The following ZNF804A variants were observed in gnomAD, a reference collection of about 807,000 sequenced individuals.
ZNF804A encodes zinc finger protein 804A.
In ZNF804A, 2 loss-of-function variants were observed where a neutral mutation model predicts 16.5. The observed-to-expected ratio is 0.12, with a 90% CI of 0.05 to 0.38. ZNF804A has a LOEUF of 0.38. Ranked by LOEUF, ZNF804A falls within the 10% of genes least tolerant of loss-of-function variation. ZNF804A has a pLI of 0.99. For missense variants in ZNF804A, 1,473 were observed against 1,390.7 expected, an observed-to-expected ratio of 1.06 and a Z score of -0.94; for synonymous variants, 534 against 489.6, an observed-to-expected ratio of 1.09 and a Z score of -1.20.
chr2:184,834,163 G>C (rs2105797027), intron 1 of ZNF804A, among the ~76,000 whole-genome samples: 1 of 151,940 alleles, frequency 6.6e-6, no homozygotes, highest in Non-Finnish European at 1.5e-5. Flanking sequence ...TTATTTACAT[G>C]CTTAAATCAA....
intron 1 of ZNF804A, among the ~76,000 whole-genome samples, chr2:184,623,579 ATG>A (rs1691450086): frequency 6.6e-6 from 1 of 152,122 alleles, no homozygotes; most frequent in Non-Finnish European, 1.5e-5. Context: ...CAAATTAATG[ATG>A]TTCAAAGCCA....
At chr2:184,769,560 A>G (rs1167683584) in intron 1 of ZNF804A, among the ~76,000 whole-genome samples, 1 of 152,066 alleles carries the variant, frequency 6.6e-6, no homozygotes, top group Non-Finnish European at 1.5e-5. Flanking sequence ...AGGCGAAGAA[A>G]TGGAAGGTCT....
At chr2:184,741,584 G>A (rs1693709966) in intron 1 of ZNF804A, among the ~76,000 whole-genome samples, 1 of 152,120 alleles carries the variant, frequency 6.6e-6, no homozygotes, top group Non-Finnish European at 1.5e-5. Flanking sequence ...TTATCAGGCA[G>A]GGCATTCAGA....
intron 2 of ZNF804A, among the ~76,000 whole-genome samples, chr2:184,870,112 C>A (rs1181402062): frequency 6.6e-6 from 1 of 151,876 alleles, no homozygotes; most frequent in African/African-American, 2.4e-5. Context: ...AAGTGTCTTG[C>A]ACAATTTAGA....
intron 1 of ZNF804A, among the ~76,000 whole-genome samples, chr2:184,781,213 C>A (rs1162438399): frequency 6.6e-6 from 1 of 151,676 alleles, no homozygotes; most frequent in Admixed American, 6.6e-5. Flanking sequence ...TGATTGTGCA[C>A]AAATTTATCT....
chr2:184,772,356 C>G (rs1040918736), intron 1 of ZNF804A, among the ~76,000 whole-genome samples: 1 of 150,966 alleles, frequency 6.6e-6, no homozygotes, highest in Non-Finnish European at 1.5e-5. Flanking sequence ...TATAGGTTGC[C>G]TATTCTGAAA....
In ZNF804A at chr2:184,887,941, G is replaced by A. The variant is rs561557147; in HGVS notation, c.255+21429G>A. Among the ~76,000 whole-genome samples the A allele has an allele frequency of 1.1e-4, 17 of 152,246 alleles. No homozygotes were observed. The East Asian group carries it at 2.1e-3, about 19-fold the overall frequency. On this transcript the variant is annotated intron_variant, in intron 2 of 3. Coordinates refer to ENST00000302277, the MANE Select transcript of ZNF804A (RefSeq NM_194250.2). ...AACATTGAGTATATATGGACACAAA[G>A]AGGGAAAAAACAGACACCAGGGCCT...
At chr2:184,653,052 T>C (rs541138203) in intron 1 of ZNF804A, among the ~76,000 whole-genome samples, 3 of 152,240 alleles carry the variant, frequency 2.0e-5, no homozygotes, top group African/African-American at 7.2e-5. Context: ...ACCTCTTTCC[T>C]TTATAAATTA....
intron 1 of ZNF804A, among the ~76,000 whole-genome samples, chr2:184,710,374 T>C (rs1693106631): frequency 6.6e-6 from 1 of 151,678 alleles, no homozygotes; most frequent in Admixed American, 6.6e-5. Context: ...TTGAATTGTT[T>C]GCTTCTTTTA....
chr2:184,664,380 TCTA>T (rs1574152717), intron 1 of ZNF804A, among the ~76,000 whole-genome samples: 1 of 152,292 alleles, frequency 6.6e-6, no homozygotes, highest in East Asian at 1.9e-4. Context: ...GGCTTAATAA[TCTA>T]CACAAGTAAA....
chr2:184,716,819 G>T (rs920503951), intron 1 of ZNF804A, among the ~76,000 whole-genome samples: 24 of 152,182 alleles, frequency 1.6e-4, no homozygotes, highest in African/African-American at 5.8e-4. Context: ...TTGTGAACAT[G>T]AATGTAAAAA....
At position 184,937,126 on chromosome 2, in the gene ZNF804A, A is replaced by G. The variant is rs754141332; in HGVS notation, c.1730A>G (p.Tyr577Cys). The G allele has an allele frequency of 1.9e-6, 3 of 1,603,768 alleles. No individual in the cohort carries two copies. Among genetic ancestry groups the G allele is most frequent in the Non-Finnish European group, 8.5e-7 (1 of 1,177,506 alleles). Residue 577 changes from tyrosine to cysteine, a missense_variant, in exon 4 of 4, where the codon TAC becomes TGC. Tyr to Cys is a radical substitution (Grantham distance 194). Coordinates refer to ENST00000302277, the MANE Select transcript of ZNF804A (RefSeq NM_194250.2). ...AAACAGGACACTCTAGATGAAAAAT[A>G]CAACAAAATAAGGTTGAAAGAGACC... ...QIKQDTLDEKYNKIRLKETHE... is the reference protein window; with the variant it reads ...QIKQDTLDEKCNKIRLKETHE...
At chr2:184,821,034 A>T (rs963306913) in intron 1 of ZNF804A, among the ~76,000 whole-genome samples, 2 of 152,134 alleles carry the variant, frequency 1.3e-5, no homozygotes, top group African/African-American at 4.8e-5. Flanking sequence ...TTAAATTATC[A>T]TTGACAGTCT....
chr2:184,867,747 G>C (rs1382149921), intron 2 of ZNF804A, among the ~76,000 whole-genome samples: 2 of 151,860 alleles, frequency 1.3e-5, no homozygotes, highest in Non-Finnish European at 2.9e-5. Flanking sequence ...ATTAGGAAAT[G>C]GTATTATTTT....
intron 1 of ZNF804A, among the ~76,000 whole-genome samples, chr2:184,644,116 G>A (rs969580363): frequency 1.3e-5 from 2 of 151,350 alleles, no homozygotes; most frequent in Non-Finnish European, 3.0e-5. Flanking sequence ...TAGGAATTCT[G>A]TCTTCAACCT....
chr2:184,679,064 A>T (rs928212802), intron 1 of ZNF804A, among the ~76,000 whole-genome samples: 1 of 152,268 alleles, frequency 6.6e-6, no homozygotes. Context: ...GACAAGACAA[A>T]GTAGTAGAAT....
chr2:184,637,707 G>C (rs1691723732), intron 1 of ZNF804A, among the ~76,000 whole-genome samples: 1 of 118,786 alleles, frequency 8.4e-6, no homozygotes, highest in Non-Finnish European at 1.9e-5. Context: ...GGTATTTTAT[G>C]ATTATTGCAC....
At chr2:184,907,430 C>T (rs185423140) in intron 2 of ZNF804A, among the ~76,000 whole-genome samples, 1 of 152,124 alleles carries the variant, frequency 6.6e-6, no homozygotes, top group Non-Finnish European at 1.5e-5. Context: ...TAAATCATTT[C>T]TTGGGAATAT....
At chr2:184,725,496 A>T (rs1693395469) in intron 1 of ZNF804A, among the ~76,000 whole-genome samples, 1 of 151,680 alleles carries the variant, frequency 6.6e-6, no homozygotes, top group South Asian at 2.1e-4. Context: ...ACTTGTTTGT[A>T]ATTACCCATT....
Sources: gnomAD v4.1 joint callset for allele counts (sites outside exome capture counted in the v4.1 genomes callset) on GRCh38, gnomAD v4.1.1 for gene constraint, MANE v1.5 for transcripts, NCBI Gene and HGNC (gene_info 2026-07-23, HGNC 2026-07-21) for gene names.